Variants in LDB2 observed in about 807,000 individuals in gnomAD.
LDB2 encodes the protein LIM domain-binding protein 2.
LDB2 carries 12 observed loss-of-function variants against 44.3 expected under a neutral mutation model. The ratio of observed to expected loss-of-function variants is 0.27; its 90% CI spans 0.17 to 0.44. The LOEUF (loss-of-function observed/expected upper bound fraction) is 0.44, where lower values mean the gene tolerates loss of function less well. LDB2 is among the 20% of genes least tolerant of loss of function. The pLI, the probability that LDB2 is intolerant of heterozygous loss-of-function variation, is 1.00. For missense variants in LDB2, 344 were observed against 473.5 expected, an observed-to-expected ratio of 0.73 and a Z score of 2.54; for synonymous variants, 164 against 174.8, an observed-to-expected ratio of 0.94 and a Z score of 0.49.
chr4:16,624,763 A>T (rs988066120), intron 2 of LDB2, among the ~76,000 whole-genome samples: 2 of 152,246 alleles, frequency 1.3e-5, no homozygotes, highest in African/African-American at 4.8e-5. Context: ...TCTCTTCCAC[A>T]TTATAAATGA....
chr4:16,510,082 C>T (rs1397818671), intron 6 of LDB2, among the ~76,000 whole-genome samples: 2 of 152,068 alleles, frequency 1.3e-5, no homozygotes, highest in Non-Finnish European at 2.9e-5. Flanking sequence ...CCACTGCAGT[C>T]CAGCCTGGGT....
intron 1 of LDB2, among the ~76,000 whole-genome samples, chr4:16,761,865 A>G (rs1767992184): frequency 6.6e-6 from 1 of 152,100 alleles, no homozygotes. Context: ...CTTTATGGCC[A>G]GATGTGGTGG....
chr4:16,581,320 G>C (rs1022530995), intron 5 of LDB2: 1 of 752,220 alleles, frequency 1.3e-6, no homozygotes, highest in Non-Finnish European at 1.6e-6. Context: ...ACTTGCCCAG[G>C]GTCACACAGC....
chr4:16,562,651 A>T (rs1742831533), intron 5 of LDB2, among the ~76,000 whole-genome samples: 1 of 152,246 alleles, frequency 6.6e-6, no homozygotes, highest in Non-Finnish European at 1.5e-5. Context: ...TGTGGAAGTC[A>T]GTGTGGCCAT....
intron 5 of LDB2, among the ~76,000 whole-genome samples, chr4:16,574,264 T>C (rs61415260): frequency 0.012 from 1,842 of 152,316 alleles, 43 homozygotes; most frequent in African/African-American, 0.042. Flanking sequence ...GATTTAGACT[T>C]ACTTAACAAT....
At chr4:16,756,244 G>A (rs1205866476) in intron 2 of LDB2, among the ~76,000 whole-genome samples, 2 of 152,172 alleles carry the variant, frequency 1.3e-5, no homozygotes, top group Non-Finnish European at 2.9e-5. Flanking sequence ...CGGGCCAGGA[G>A]TTAGAGACCA....
At chr4:16,801,029 C>A (rs1269372249) in intron 1 of LDB2, among the ~76,000 whole-genome samples, 1 of 152,182 alleles carries the variant, frequency 6.6e-6, no homozygotes, top group Non-Finnish European at 1.5e-5. Context: ...GGGACACTGT[C>A]CCCATACTTC....
At chr4:16,703,094 T>C (rs1753844549) in intron 2 of LDB2, among the ~76,000 whole-genome samples, 1 of 151,894 alleles carries the variant, frequency 6.6e-6, no homozygotes, top group Non-Finnish European at 1.5e-5. Flanking sequence ...CTCTAAGAAA[T>C]GGAGAAAATA....
At chr4:16,755,425 G>A (rs1382650752) in intron 2 of LDB2, among the ~76,000 whole-genome samples, 3 of 148,624 alleles carry the variant, frequency 2.0e-5, no homozygotes, top group African/African-American at 5.0e-5. Context: ...TGTGTGTGTT[G>A]ATAAAAGCAT....
chr4:16,763,390 T>A (rs749644472), intron 1 of LDB2, among the ~76,000 whole-genome samples: 22 of 148,952 alleles, frequency 1.5e-4, no homozygotes, highest in Non-Finnish European at 3.0e-4. Flanking sequence ...AAAATGACAT[T>A]CTGTGTATTT....
At chr4:16,581,171 G>T (rs1390348623) in intron 5 of LDB2, among the ~76,000 whole-genome samples, 1 of 152,170 alleles carries the variant, frequency 6.6e-6, no homozygotes, top group East Asian at 1.9e-4. Context: ...CCAGAAAAGA[G>T]GACCAGAAGC....
intron 2 of LDB2, among the ~76,000 whole-genome samples, chr4:16,599,918 C>T (rs1722107290): frequency 6.6e-6 from 1 of 152,128 alleles, no homozygotes; most frequent in Non-Finnish European, 1.5e-5. Context: ...AAATTCATTT[C>T]TATCAGGAGA....
At position 16,508,569 on chromosome 4, in the gene LDB2, G is replaced by A. The variant is rs747706520; in HGVS notation, c.857C>T (p.Thr286Ile). 5.6e-6 allele frequency: 9 copies of A among 1,608,404 alleles called. No homozygotes were observed. The South Asian group carries it at 7.8e-5, about 14-fold the overall frequency. The change falls in exon 7 of 8, where the codon ACA becomes ATA. Residue 286 changes from threonine (T) to isoleucine (I), a missense_variant. Thr to Ile is a moderately conservative substitution (Grantham distance 89). Transcript: ENST00000304523. The part of the protein sequence containing the change: ...ANSTGSKKKT[T>I]AANLSLSSQV... Reference sequence around the variant, plus strand: ...ACTGGACAGACTCAGGTTTGCAGCTGTGGTCTTCTTCTTGCTGCCAGTGCT... The same window carrying A: ...ACTGGACAGACTCAGGTTTGCAGCTATGGTCTTCTTCTTGCTGCCAGTGCT...
At chr4:16,644,451 G>T (rs1324814357) in intron 2 of LDB2, among the ~76,000 whole-genome samples, 1 of 148,162 alleles carries the variant, frequency 6.7e-6, no homozygotes, top group Non-Finnish European at 1.5e-5. Flanking sequence ...TTTTGAGATG[G>T]AGTCTCACTC....
intron 5 of LDB2, among the ~76,000 whole-genome samples, chr4:16,563,512 G>A (rs2872348): frequency 3.4e-5 from 3 of 87,622 alleles, no homozygotes; most frequent in Admixed American, 2.9e-4. Context: ...GCAGTGGCAC[G>A]ATCTCGGCTC....
At chr4:16,659,699 A>G (rs554597122) in intron 2 of LDB2, among the ~76,000 whole-genome samples, 3 of 149,830 alleles carry the variant, frequency 2.0e-5, no homozygotes, top group East Asian at 2.0e-4. Flanking sequence ...ATATGTATGT[A>G]TGTATATATG....
intron 2 of LDB2, among the ~76,000 whole-genome samples, chr4:16,693,481 G>A (rs1298091552): frequency 1.3e-5 from 2 of 150,622 alleles, no homozygotes; most frequent in African/African-American, 2.4e-5. Flanking sequence ...TCAGCCTCCC[G>A]AGTAGCTGGG....
intron 2 of LDB2, among the ~76,000 whole-genome samples, chr4:16,651,857 C>T (rs1006147408): frequency 6.6e-6 from 1 of 152,100 alleles, no homozygotes; most frequent in Non-Finnish European, 1.5e-5. Context: ...TGGGAGGTGG[C>T]GTGCCATAGC....
At chr4:16,819,793 G>C (rs1781611580) in intron 1 of LDB2, among the ~76,000 whole-genome samples, 1 of 152,160 alleles carries the variant, frequency 6.6e-6, no homozygotes, top group Non-Finnish European at 1.5e-5. Flanking sequence ...GGAGGTGAAT[G>C]AATCAGTTTC....
Sources: gnomAD v4.1 joint callset for allele counts (sites outside exome capture counted in the v4.1 genomes callset) on GRCh38, gnomAD v4.1.1 for gene constraint, MANE v1.5 for transcripts, NCBI Gene and HGNC (gene_info 2026-07-23, HGNC 2026-07-21) for gene names.